PRUNE2: variants seen among roughly 807,000 people sequenced by gnomAD.
PRUNE2 encodes the protein protein prune homolog 2.
In PRUNE2, 164 loss-of-function variants were observed where a neutral mutation model predicts 252.0. That is an observed-to-expected ratio of 0.65 (90% CI 0.57 to 0.74). The LOEUF is 0.74. Among genes scored for constraint, PRUNE2 ranks in the 30% least tolerant of loss-of-function variants. The pLI is 0.00. For missense variants in PRUNE2, 3,495 were observed against 3,711.0 expected (o/e 0.94, Z 1.51); for synonymous variants, 1,292 against 1,350.2 (o/e 0.96, Z 0.94).
chr9:76,728,007 G>T (rs1187931499), intron 6 of PRUNE2, among the ~76,000 whole-genome samples: 1 of 151,934 alleles, frequency 6.6e-6, no homozygotes. Context: ...TGAGCCCCCC[G>T]ACGCCTGGCC....
At chr9:76,657,122 C>A (rs1343680154) in intron 9 of PRUNE2, among the ~76,000 whole-genome samples, 1 of 152,182 alleles carries the variant, frequency 6.6e-6, no homozygotes, top group Non-Finnish European at 1.5e-5. Flanking sequence ...CATGATCCTG[C>A]AGTTTTTGGA....
chr9:76,614,477 GA>G lies in PRUNE2; in HGVS notation c.*92del. 1.7e-5 allele frequency: 18 copies of G among 1,073,956 alleles called. No homozygotes were observed. The highest frequency in any genetic ancestry group is 2.0e-5 in the Non-Finnish European group (14 of 704,840). The allele number at this position is 1,073,956 out of a possible 1,614,324, so 66.5% of individuals were successfully genotyped here. ...GAATGGCACCAGGTAGTGCAAAGTG[GA>G]AAAAGGTAACATCAGCCCTGTCTCT... is the stretch of plus-strand genomic sequence containing the variant. On this transcript the variant is annotated 3_prime_UTR_variant, in exon 19 of 19. Transcript: ENST00000376718.
At chr9:76,616,180 C>G (rs947580089) in intron 18 of PRUNE2, among the ~76,000 whole-genome samples, 3 of 152,170 alleles carry the variant, frequency 2.0e-5, no homozygotes, top group Admixed American at 6.6e-5. Flanking sequence ...AGTTTTCAGG[C>G]CCTCTGACTT....
At position 76,706,690 on chromosome 9, in the gene PRUNE2, G is replaced by GTACTGAAGAATTTATCTCCAACAC. The variant is rs1419149571; in HGVS notation, c.5560_5583dup (p.Val1854_Val1861dup). 7 of 1,613,558 alleles carry GTACTGAAGAATTTATCTCCAACAC rather than the reference G, an allele frequency of 4.3e-6. No individual in the cohort carries two copies. The highest frequency in any genetic ancestry group is 5.9e-6 in the Non-Finnish European group (7 of 1,179,736). The stretch of plus-strand genomic sequence containing the variant: ...ACTCCCCAGGGACTGGCATTTTGGT[G>GTACTGAAGAATTTATCTCCAACAC]TACTGAAGAATTTATCTCCAACACA... On this transcript the variant is annotated inframe_insertion, in exon 8 of 19. Transcript: ENST00000376718.
chr9:76,713,546 T>C lies in PRUNE2; in HGVS notation c.915+17A>G. 2.5e-6 allele frequency: 4 copies of C among 1,599,138 alleles called. No homozygotes were observed. The South Asian group carries it at 4.6e-5, about 18-fold the overall frequency. On this transcript the variant is annotated intron_variant, in intron 7 of 18. Transcript: ENST00000376718. ...TTAGGACAGAGGGAACATGACGGGG[T>C]CAGAGGAGGGGCTCACCTGACTGCA...
chr9:76,808,384 G>A (rs2057127257), intron 6 of PRUNE2, among the ~76,000 whole-genome samples: 1 of 152,192 alleles, frequency 6.6e-6, no homozygotes, highest in Non-Finnish European at 1.5e-5. Flanking sequence ...GATATTGTGT[G>A]GGGATATCCC....
intron 6 of PRUNE2, among the ~76,000 whole-genome samples, chr9:76,730,728 C>T (rs1260245546): frequency 1.3e-5 from 2 of 152,174 alleles, no homozygotes; most frequent in African/African-American, 4.8e-5. Flanking sequence ...GGTGAAACCC[C>T]ATCTCTATTA....
intron 11 of PRUNE2, 105 bp from the exon 12 acceptor site, chr9:76,645,014 CTTTGT>C: frequency 9.4e-7 from 1 of 1,064,442 alleles, no homozygotes; most frequent in Non-Finnish European, 1.3e-6. Flanking sequence ...TACGGGCAGC[CTTTGT>C]TTTGTTTCAT....
chr9:76,640,139 GT>G (rs1841950552), intron 12 of PRUNE2, among the ~76,000 whole-genome samples: 1 of 152,200 alleles, frequency 6.6e-6, no homozygotes, highest in Admixed American at 6.5e-5. Context: ...CAAGCTTTGA[GT>G]AGGAGGACAG....
intron 6 of PRUNE2, chr9:76,764,493 T>C (rs987376369): frequency 6.6e-6 from 1 of 152,210 alleles, no homozygotes; most frequent in Admixed American, 6.6e-5. Context: ...GGGAGATTTG[T>C]GTGGCTGCAG....
Position 76,706,267 on chromosome 9 carries a change from AT to A in PRUNE2, c.6006del (p.Lys2002AsnfsTer4), listed in dbSNP as rs1266195520. The A allele has an allele frequency of 6.2e-7, 1 of 1,613,668 alleles. No homozygotes were observed. The highest frequency in any genetic ancestry group is 2.2e-5 in the East Asian group (1 of 44,890). ...GQETNQWEQE[K>X]SYLGEMTNSS... Reference sequence around the variant, plus strand: ...GAATTTGTCATCTCACCTAGGTATGATTTTTCTTGTTCCCACTGATTTGTTT... The same window carrying A: ...GAATTTGTCATCTCACCTAGGTATGATTTTCTTGTTCCCACTGATTTGTTT... On this transcript the variant is annotated frameshift_variant, in exon 8 of 19. Transcript: ENST00000376718. LOFTEE classifies it high-confidence loss of function.
At chr9:76,848,382 T>C (rs2059780083) in intron 3 of PRUNE2, among the ~76,000 whole-genome samples, 1 of 152,228 alleles carries the variant, frequency 6.6e-6, no homozygotes, top group African/African-American at 2.4e-5. Context: ...GTGTCAATGA[T>C]TGATAAATAT....
intron 6 of PRUNE2, among the ~76,000 whole-genome samples, chr9:76,801,355 T>A (rs1288923823): frequency 6.6e-6 from 1 of 152,182 alleles, no homozygotes; most frequent in Admixed American, 6.5e-5. Context: ...GCAAAATAGA[T>A]CTAGAAAATT....
chr9:76,710,565 A>G lies in PRUNE2; in HGVS notation c.1709T>C (p.Phe570Ser). The G allele has an allele frequency of 1.2e-6, 2 of 1,613,892 alleles. No individual in the cohort carries two copies. Among genetic ancestry groups the G allele is most frequent in the South Asian group, 1.1e-5 (1 of 91,060 alleles). The change falls in exon 8 of 19, where the codon TTT becomes TCT. Residue 570 changes from phenylalanine (F) to serine (S), a missense_variant. By Grantham distance (155) the Phe-to-Ser change is radical. Coordinates refer to ENST00000376718, the MANE Select transcript of PRUNE2 (RefSeq NM_015225.3). ...TCTGGGACTGTCTTGTCTCTGGACA[A>G]ACTCCTCATCATGTTCCACAAGGCT... ...KDSLVEHDEE[F>S]VQRQDSPRDN...
At chr9:76,632,241 T>G (rs1047904256) in intron 15 of PRUNE2, among the ~76,000 whole-genome samples, 35 of 152,240 alleles carry the variant, frequency 2.3e-4, no homozygotes, top group African/African-American at 8.4e-4. Context: ...AACTCATTGT[T>G]TAAAATGAAC....
chr9:76,836,606 T>C (rs11145093), intron 4 of PRUNE2, among the ~76,000 whole-genome samples: 61,326 of 151,792 alleles, frequency 0.4, 12,649 homozygotes, highest in Middle Eastern at 0.49. Flanking sequence ...CCTTTCCAAA[T>C]GAAAGTGGAT....
intron 9 of PRUNE2, among the ~76,000 whole-genome samples, chr9:76,667,032 G>A (rs2040335617): frequency 6.6e-6 from 1 of 152,056 alleles, no homozygotes; most frequent in South Asian, 2.1e-4. Flanking sequence ...GGCAACAAGA[G>A]CGAAACTCTG....
rs555756403 is a variant in PRUNE2, at chr9:76,703,756, A to G, written c.7857T>C (p.Asp2619=). The G allele has an allele frequency of 1.2e-6, 2 of 1,613,850 alleles. No individual in the cohort carries two copies. The highest frequency in any genetic ancestry group is 1.1e-5 in the South Asian group (1 of 91,074). The change falls in exon 9 of 19, where the codon GAT becomes GAC. Residue 2619 remains aspartate, a synonymous_variant. Transcript: ENST00000376718. ...LSAEKMSSKS[D]TRSSFESPAQ... ...CAGGGCTTTCAAAAGATGATCTCGT[A>G]TCGCTTTTAGAAGACATTTTCTCTG...
In PRUNE2 at chr9:76,614,144, T is replaced by TG. The variant is rs1207419800; in HGVS notation, c.*425dup. The TG allele has an allele frequency of 1.2e-5, 2 of 163,352 alleles. No individual in the cohort carries two copies. Among genetic ancestry groups the TG allele is most frequent in the Non-Finnish European group, 2.6e-5 (2 of 75,896 alleles). The allele number at this position is 163,352 out of a possible 1,614,324, so 10.1% of individuals were successfully genotyped here. On this transcript the variant is annotated 3_prime_UTR_variant, in exon 19 of 19. Transcript: ENST00000376718. ...TGGAGTCAAACAGGGGAAACTTTCCTGGGGAGAGTTGAGACCTGTGTACTT... is the reference window on the plus strand; with the variant it reads ...TGGAGTCAAACAGGGGAAACTTTCCTGGGGGAGAGTTGAGACCTGTGTACTT...
Sources: allele counts gnomAD v4.1 joint callset (sites outside exome capture counted in the v4.1 genomes callset), GRCh38; gene constraint gnomAD v4.1.1; transcripts MANE v1.5; gene names NCBI Gene and HGNC (gene_info 2026-07-23, HGNC 2026-07-21).